Variants in SLC20A2 observed in about 807,000 individuals in gnomAD.
SLC20A2 encodes the protein sodium-dependent phosphate transporter 2.
SLC20A2 carries 30 observed loss-of-function variants against 61.0 expected under a neutral mutation model. That is an observed-to-expected ratio of 0.49 (90% CI 0.37 to 0.67). The LOEUF (loss-of-function observed/expected upper bound fraction) is 0.67, where lower values mean the gene tolerates loss of function less well. SLC20A2 is among the 30% of genes least tolerant of loss of function. The probability of loss-of-function intolerance (pLI) is 0.00; values close to 1 mark genes in which losing one functional copy is unlikely to be tolerated. For missense variants in SLC20A2, 626 were observed against 866.4 expected (o/e 0.72, Z 3.48); for synonymous variants, 351 against 353.3 (o/e 0.99, Z 0.07).
At chr8:42,418,318 C>T (rs559530043) in intron 10 of SLC20A2, among the ~76,000 whole-genome samples, 3 of 152,274 alleles carry the variant, frequency 2.0e-5, no homozygotes, top group Admixed American at 1.3e-4. Context: ...AGGCGCATGC[C>T]ATCACCCTTG....
chr8:42,469,040 A>T (rs1337695188), intron 2 of SLC20A2, among the ~76,000 whole-genome samples: 1 of 152,208 alleles, frequency 6.6e-6, no homozygotes, highest in Non-Finnish European at 1.5e-5. Flanking sequence ...GGAAGCACAG[A>T]CGCCCAGGGG....
chr8:42,456,743 A>C (rs1390213685), intron 5 of SLC20A2, among the ~76,000 whole-genome samples: 2 of 151,050 alleles, frequency 1.3e-5, no homozygotes, highest in East Asian at 1.9e-4. Flanking sequence ...AAAAAAAAAA[A>C]AAAAAAAAAA....
intron 1 of SLC20A2, among the ~76,000 whole-genome samples, chr8:42,540,247 G>A (rs1400281533): frequency 6.6e-6 from 1 of 152,178 alleles, no homozygotes; most frequent in Non-Finnish European, 1.5e-5. Flanking sequence ...AGCCAAGACA[G>A]TGCCATTGCA....
At chr8:42,451,159 G>A (rs1170190861) in intron 5 of SLC20A2, among the ~76,000 whole-genome samples, 1 of 151,930 alleles carries the variant, frequency 6.6e-6, no homozygotes, top group African/African-American at 2.4e-5. Flanking sequence ...GGAGGAGGAA[G>A]AGGTGGAAGA....
chr8:42,473,437 ACT>A (rs1383564923), intron 1 of SLC20A2, among the ~76,000 whole-genome samples: 4 of 151,858 alleles, frequency 2.6e-5, no homozygotes, highest in Non-Finnish European at 5.9e-5. Context: ...GACCAGGCAC[ACT>A]CTCACCTCAG....
chr8:42,492,001 T>C (rs190658581), intron 1 of SLC20A2, among the ~76,000 whole-genome samples: 32 of 152,290 alleles, frequency 2.1e-4, no homozygotes, highest in African/African-American at 7.5e-4. Flanking sequence ...CTCTATTCAT[T>C]GAATATGTGA....
At chr8:42,520,262 C>T in intron 1 of SLC20A2, among the ~76,000 whole-genome samples, 1 of 151,422 alleles carries the variant, frequency 6.6e-6, no homozygotes, top group East Asian at 2.0e-4. Context: ...GATCCGCCCG[C>T]CTCAGCCTCC....
At chr8:42,523,354 A>T (rs115807184) in intron 1 of SLC20A2, among the ~76,000 whole-genome samples, 3 of 144,948 alleles carry the variant, frequency 2.1e-5, no homozygotes, top group Non-Finnish European at 4.4e-5. Flanking sequence ...AATAAATAAA[A>T]TAAATAAATA....
chr8:42,499,606 G>A (rs1054669749), intron 1 of SLC20A2, among the ~76,000 whole-genome samples: 1 of 152,198 alleles, frequency 6.6e-6, no homozygotes, highest in East Asian at 1.9e-4. Flanking sequence ...TAGGTCAAGT[G>A]AATACTGGTG....
At chr8:42,474,157 C>A (rs528334643) in intron 1 of SLC20A2, among the ~76,000 whole-genome samples, 1 of 151,742 alleles carries the variant, frequency 6.6e-6, no homozygotes, top group Non-Finnish European at 1.5e-5. Flanking sequence ...GGCGACACAG[C>A]GAGACTCCAT....
chr8:42,519,952 T>A (rs1348928998), intron 1 of SLC20A2, among the ~76,000 whole-genome samples: 1 of 151,796 alleles, frequency 6.6e-6, no homozygotes, highest in Admixed American at 6.6e-5. Context: ...AGTTGAAATG[T>A]TGCCGGACAT....
upstream of SLC20A2, chr8:42,502,531 TG>T (rs1264278137): frequency 6.6e-6 from 1 of 152,286 alleles, no homozygotes; most frequent in East Asian, 1.9e-4. Flanking sequence ...ACAAACCGGT[TG>T]ATCTTCATTG....
intron 5 of SLC20A2, among the ~76,000 whole-genome samples, chr8:42,458,951 C>T (rs564044212): frequency 7.4e-6 from 1 of 134,316 alleles, no homozygotes; most frequent in African/African-American, 2.7e-5. Context: ...CCCCCCCCCC[C>T]ACAAAAAACC....
At chr8:42,438,073 A>C (rs9693809) in intron 7 of SLC20A2, among the ~76,000 whole-genome samples, 1,882 of 149,140 alleles carry the variant, frequency 0.013, 68 homozygotes, top group African/African-American at 0.043. Context: ...CAAAAAAAAA[A>C]AAAAAAAAAA....
At chr8:42,508,295 A>G (rs1040277480) in intron 1 of SLC20A2, among the ~76,000 whole-genome samples, 4 of 152,230 alleles carry the variant, frequency 2.6e-5, no homozygotes, top group African/African-American at 4.8e-5. Context: ...CCTCAGCACC[A>G]TATTGAGACC....
intron 1 of SLC20A2, among the ~76,000 whole-genome samples, chr8:42,516,165 A>T (rs1007403941): frequency 6.6e-6 from 1 of 152,248 alleles, no homozygotes; most frequent in Non-Finnish European, 1.5e-5. Context: ...AGTCCAGACT[A>T]GTTACTTCAG....
chr8:42,535,968 A>C (rs919751447), intron 1 of SLC20A2, among the ~76,000 whole-genome samples: 1 of 152,220 alleles, frequency 6.6e-6, no homozygotes, highest in Non-Finnish European at 1.5e-5. Flanking sequence ...GATTTCATTA[A>C]ATTATCCTAG....
intron 5 of SLC20A2, among the ~76,000 whole-genome samples, chr8:42,459,235 C>CAAAAAAAAAAAAAAAAAAAAA (rs756966778): frequency 1.4e-3 from 51 of 36,014 alleles, no homozygotes; most frequent in Non-Finnish European, 2.4e-3. Context: ...GACTCTATCT[C>CAAAAAAAAAAAAAAAAAAAAA]AAAAAAAAAA....
At chr8:42,497,895 C>T (rs925936496) in intron 1 of SLC20A2, among the ~76,000 whole-genome samples, 1 of 152,072 alleles carries the variant, frequency 6.6e-6, no homozygotes, top group African/African-American at 2.4e-5. Flanking sequence ...TCCTATCAGC[C>T]CTTCTTCTGA....
Sources: allele counts gnomAD v4.1 joint callset (sites outside exome capture counted in the v4.1 genomes callset), GRCh38; gene constraint gnomAD v4.1.1; transcripts MANE v1.5; gene names NCBI Gene and HGNC (gene_info 2026-07-23, HGNC 2026-07-21).